Variants in NLRC5 observed in about 807,000 individuals in gnomAD.
NLRC5 encodes the protein NLR family CARD domain containing 5.
A neutral mutation model predicts 206.9 loss-of-function variants in NLRC5; 114 were observed. The ratio of observed to expected loss-of-function variants is 0.55; its 90% CI spans 0.47 to 0.64. NLRC5 has a LOEUF of 0.64. NLRC5 is among the 30% of genes least tolerant of loss of function. The probability of loss-of-function intolerance (pLI) is 0.00; values close to 1 mark genes in which losing one functional copy is unlikely to be tolerated. For missense variants in NLRC5, 2,008 were observed against 2,305.5 expected, an observed-to-expected ratio of 0.87 and a Z score of 2.64; for synonymous variants, 952 against 962.8, an observed-to-expected ratio of 0.99 and a Z score of 0.21.
At chr16:57,043,654 G>T in intron 20 of NLRC5, 50 bp downstream of exon 20, 1 of 1,456,476 alleles carries the variant, frequency 6.9e-7, no homozygotes, top group Non-Finnish European at 9.7e-7. Flanking sequence ...CCATCCCACA[G>T]GTCATCTGCT....
intron 33 of NLRC5, among the ~76,000 whole-genome samples, 157 bp downstream of exon 33, chr16:57,065,455 G>T (rs577302573): frequency 6.6e-6 from 1 of 152,158 alleles, no homozygotes; most frequent in African/African-American, 2.4e-5. Flanking sequence ...TATGTGAGGG[G>T]CTACACATTT....
intron 48 of NLRC5, 47 bp downstream of exon 48, chr16:57,081,657 C>A (rs779615092): frequency 6.6e-7 from 1 of 1,524,466 alleles, no homozygotes; most frequent in South Asian, 1.1e-5. Context: ...GAGGCTACAC[C>A]AACCCCCAGA....
At chr16:57,050,554 C>T (rs1252562502) in intron 23 of NLRC5, among the ~76,000 whole-genome samples, 11 of 152,128 alleles carry the variant, frequency 7.2e-5, no homozygotes, top group Non-Finnish European at 1.6e-4. Flanking sequence ...TAGAGGTCTG[C>T]GGGGGTTGGG....
rs1366524451 is a variant in NLRC5 at position 57,034,254 on chromosome 16, G to A, written c.2627+3G>A. ...GGCCCTCACCTGGAGGAAGTGGAGTGAGTATCACGGGAAGCCCTGGCGTAG... is the reference window on the plus strand; with the variant it reads ...GGCCCTCACCTGGAGGAAGTGGAGTAAGTATCACGGGAAGCCCTGGCGTAG... On this transcript the variant is annotated splice_donor_region_variant and intron_variant, in intron 13 of 48. Transcript: ENST00000688547. 6.2e-7 allele frequency: 1 copy of A among 1,603,886 alleles called. No homozygotes were observed. The highest frequency in any genetic ancestry group is 8.5e-7 in the Non-Finnish European group (1 of 1,173,900).
At chr16:57,056,122 C>G (rs1375067915) in intron 27 of NLRC5, among the ~76,000 whole-genome samples, 2 of 152,202 alleles carry the variant, frequency 1.3e-5, no homozygotes, top group African/African-American at 4.8e-5. Flanking sequence ...GGTGTAAGAA[C>G]TTGCCCAAGG....
rs778879120 is a variant in NLRC5, at chr16:57,026,119, G to A, written c.1176G>A (p.Glu392=). The A allele has an allele frequency of 1.9e-6, 3 of 1,614,114 alleles. No individual in the cohort carries two copies. The highest frequency in any genetic ancestry group is 2.5e-6 in the Non-Finnish European group (3 of 1,180,044). The stretch of plus-strand genomic sequence containing the variant: ...CATCGCGGGAGGGGGCCCTGGTGGA[G>A]TTACAGACAAATGGACGTCTCCGAA... ...AQPSREGALV[E]LQTNGRLRSL... The change falls in exon 6 of 49, where the codon GAG becomes GAA. Residue 392 remains glutamate, a synonymous_variant. Coordinates refer to ENST00000688547, the MANE Select transcript of NLRC5 (RefSeq NM_001384950.1).
intron 1 of NLRC5, among the ~76,000 whole-genome samples, chr16:57,015,632 A>G (rs1489753812): frequency 7.6e-6 from 1 of 131,344 alleles, no homozygotes; most frequent in East Asian, 2.3e-4. Context: ...ATAAATAAAT[A>G]AATAAAGGAA....
At chr16:56,999,852 C>T (rs975570959) in intron 1 of NLRC5, among the ~76,000 whole-genome samples, 1 of 152,200 alleles carries the variant, frequency 6.6e-6, no homozygotes, top group Non-Finnish European at 1.5e-5. Flanking sequence ...TGGGAGGTAG[C>T]GAGGAGCCTG....
intron 1 of NLRC5, among the ~76,000 whole-genome samples, chr16:56,997,653 C>A (rs180855628): frequency 6.6e-6 from 1 of 152,080 alleles, no homozygotes; most frequent in Non-Finnish European, 1.5e-5. Flanking sequence ...CGGCTTACTG[C>A]GCCTCAACCT....
At chr16:57,043,275 C>T (rs1297218191) in intron 19 of NLRC5, among the ~76,000 whole-genome samples, 1 of 152,170 alleles carries the variant, frequency 6.6e-6, no homozygotes, top group Non-Finnish European at 1.5e-5. Flanking sequence ...CCACTGGGTG[C>T]CCATCTCAGC....
At chr16:56,993,831 A>G (rs1267963132) in intron 1 of NLRC5, among the ~76,000 whole-genome samples, 1 of 152,108 alleles carries the variant, frequency 6.6e-6, no homozygotes, top group Non-Finnish European at 1.5e-5. Context: ...TTTGTCTATT[A>G]TATGGTTATA....
At position 57,069,848 on chromosome 16, in the gene NLRC5, CTG is replaced by C; in HGVS notation, c.4517_4518del (p.Val1506GlufsTer25). On this transcript the variant is annotated frameshift_variant, in exon 37 of 49. Coordinates refer to ENST00000688547, the MANE Select transcript of NLRC5 (RefSeq NM_001384950.1). LOFTEE classifies it high-confidence loss of function. ...TGACCCCCACCAGGCTGACCTCCAG[CTG>C]TGTGAGCACCGAGGGCCTCGCCCAC... ...ELKTFRLTSS[C>X]VSTEGLAHLA... The C allele has an allele frequency of 6.2e-7, 1 of 1,604,220 alleles. No individual in the cohort carries two copies. Among genetic ancestry groups the C allele is most frequent in the East Asian group, 2.2e-5 (1 of 44,568 alleles).
intron 13 of NLRC5, chr16:57,034,589 C>T (rs1434804448): frequency 4.6e-6 from 1 of 216,502 alleles, no homozygotes; most frequent in Non-Finnish European, 9.2e-6. Flanking sequence ...GGGTTCAAGC[C>T]CAGACAGTCT....
intron 1 of NLRC5, among the ~76,000 whole-genome samples, chr16:56,993,398 T>G (rs572573380): frequency 1.2e-4 from 19 of 152,360 alleles, no homozygotes; most frequent in African/African-American, 4.1e-4. Context: ...GGTTATTTCC[T>G]GTCTTTTGCT....
chr16:57,018,739 C>T (rs2060347050), intron 2 of NLRC5, among the ~76,000 whole-genome samples: 1 of 152,130 alleles, frequency 6.6e-6, no homozygotes, highest in South Asian at 2.1e-4. Context: ...GTATATAAAG[C>T]ACTTAGACAG....
intron 1 of NLRC5, among the ~76,000 whole-genome samples, chr16:56,996,963 G>A (rs569290915): frequency 4.6e-5 from 7 of 152,094 alleles, no homozygotes; most frequent in African/African-American, 1.4e-4. Context: ...TCAACTTCCT[G>A]GGCTCAGGTG....
rs139767770 is a variant in NLRC5, at chr16:57,029,364, G to A, written c.2244-409G>A. ...ATGCGCTTGGCTCAGGGCTCTGGGTGAGTCAGGGCCACAGCCGAGGCTGGA... is the reference window on the plus strand; with the variant it reads ...ATGCGCTTGGCTCAGGGCTCTGGGTAAGTCAGGGCCACAGCCGAGGCTGGA... On this transcript the variant is annotated intron_variant, in intron 8 of 48. Coordinates refer to ENST00000688547, the MANE Select transcript of NLRC5 (RefSeq NM_001384950.1). Among the ~76,000 whole-genome samples, 588 of 152,292 alleles carry A rather than the reference G, an allele frequency of 3.9e-3. 5 individuals carry two copies. The highest frequency in any genetic ancestry group is 0.013 in the African/African-American group (554 of 41,554).
intron 43 of NLRC5, among the ~76,000 whole-genome samples, chr16:57,078,466 G>GTTTTTTTTTTT (rs71383218): frequency 2.2e-5 from 2 of 92,190 alleles, no homozygotes; most frequent in African/African-American, 1.0e-4. Context: ...CTGGGACCTT[G>GTTTTTTTTTTT]TTTTTTTTTT....
intron 1 of NLRC5, among the ~76,000 whole-genome samples, chr16:56,993,851 A>C (rs1402660314): frequency 1.3e-5 from 2 of 152,074 alleles, no homozygotes; most frequent in Admixed American, 1.3e-4. Flanking sequence ...ACTGTCATTT[A>C]AAATGGTGGC....
Sources: gnomAD v4.1 joint callset for allele counts (sites outside exome capture counted in the v4.1 genomes callset) on GRCh38, gnomAD v4.1.1 for gene constraint, MANE v1.5 for transcripts, NCBI Gene and HGNC (gene_info 2026-07-23, HGNC 2026-07-21) for gene names.